R3HDM1: variants seen among roughly 807,000 people sequenced by gnomAD.
The protein encoded by R3HDM1 is R3H domain containing 1.
R3HDM1 carries 46 observed loss-of-function variants against 141.1 expected under a neutral mutation model. The observed-to-expected ratio is 0.33, with a 90% CI of 0.26 to 0.42. The LOEUF is 0.42. Ranked by LOEUF, R3HDM1 falls within the 10% of genes least tolerant of loss-of-function variation. R3HDM1 has a pLI of 1.00. For synonymous variants in R3HDM1, 435 were observed against 472.9 expected (o/e 0.92, Z 1.04); for missense variants, 1,184 against 1,368.3 (o/e 0.87, Z 2.12).
intron 5 of R3HDM1, among the ~76,000 whole-genome samples, chr2:135,618,120 A>G (rs1387231569): frequency 2.6e-5 from 4 of 152,218 alleles, no homozygotes; most frequent in African/African-American, 9.6e-5. Flanking sequence ...GTTTGCTTTG[A>G]CATTTCTTTG....
chr2:135,680,242 C>T lies in R3HDM1; in HGVS notation c.2377C>T (p.Gln793Ter). Residue 793 changes from glutamine (Q) to a stop codon, truncating the protein, a stop_gained, in exon 21 of 27, where the codon CAG becomes TAG. Coordinates refer to ENST00000683871, the MANE Select transcript of R3HDM1 (RefSeq NM_001378107.1). LOFTEE classifies it high-confidence loss of function. ...TYQQPVMFPN[Q>*]SNQGSMPTTG... Reference sequence around the variant, plus strand: ...TCAACAGCCTGTTATGTTCCCTAATCAGTCTAATCAAGGATCTATGCCCAC... The same window carrying T: ...TCAACAGCCTGTTATGTTCCCTAATTAGTCTAATCAAGGATCTATGCCCAC... 1.2e-6 allele frequency: 2 copies of T among 1,613,480 alleles called. No homozygotes were observed. The highest frequency in any genetic ancestry group is 1.7e-6 in the Non-Finnish European group (2 of 1,179,402).
At chr2:135,651,114 AT>A in intron 17 of R3HDM1, 1 of 985,388 alleles carries the variant, frequency 1.0e-6, no homozygotes, top group Non-Finnish European at 1.2e-6. Flanking sequence ...TTTGAATTAC[AT>A]TTGTCAAATT....
intron 1 of R3HDM1, among the ~76,000 whole-genome samples, chr2:135,578,514 A>G (rs1706027339): frequency 6.6e-6 from 1 of 152,224 alleles, no homozygotes. Context: ...GTCTCCAGAA[A>G]TAACATAAAA....
At chr2:135,613,805 G>A (rs906260115) in intron 3 of R3HDM1, among the ~76,000 whole-genome samples, 3 of 152,140 alleles carry the variant, frequency 2.0e-5, no homozygotes, top group Non-Finnish European at 4.4e-5. Flanking sequence ...GACAGAGTGA[G>A]ACTCAGTCTC....
At chr2:135,557,718 G>C (rs1454851467) in intron 1 of R3HDM1, among the ~76,000 whole-genome samples, 1 of 152,158 alleles carries the variant, frequency 6.6e-6, no homozygotes, top group Non-Finnish European at 1.5e-5. Context: ...CTGTGGCCAG[G>C]GACTGGAGTA....
chr2:135,709,371 C>T, intron 21 of R3HDM1, 62 bp from the exon 22 acceptor site: 1 of 1,601,736 alleles, frequency 6.2e-7, no homozygotes, highest in Non-Finnish European at 8.5e-7. Context: ...CGCGCCCAGC[C>T]CATTCAAGAA....
At chr2:135,571,329 T>C (rs866040184) in intron 1 of R3HDM1, among the ~76,000 whole-genome samples, 20 of 152,086 alleles carry the variant, frequency 1.3e-4, no homozygotes, top group Admixed American at 3.9e-4. Context: ...TAATTATTCA[T>C]TTATTTATTT....
At position 135,621,476 on chromosome 2, in the gene R3HDM1, G is replaced by T. The variant is rs758943380; in HGVS notation, c.304-18G>T. On this transcript the variant is annotated intron_variant, in intron 5 of 26. Transcript: ENST00000683871. The stretch of plus-strand genomic sequence containing the variant: ...TGTATTGTATTTTCATTGAATAATT[G>T]ACTTTGCCTTCCAACAGGAGAAAAT... The T allele has an allele frequency of 6.9e-7, 1 of 1,452,014 alleles. No homozygotes were observed. Among genetic ancestry groups the T allele is most frequent in the Admixed American group, 2.1e-5 (1 of 48,030 alleles). The allele number at this position is 1,452,014 out of a possible 1,614,324, so 89.9% of individuals were successfully genotyped here.
In R3HDM1 at chr2:135,724,233, C is replaced by G; in HGVS notation, c.3346C>G (p.Leu1116Val). The G allele has an allele frequency of 1.2e-6, 2 of 1,613,968 alleles. No individual in the cohort carries two copies. The highest frequency in any genetic ancestry group is 1.7e-6 in the Non-Finnish European group (2 of 1,179,994). ...KQINSVNKFK[L>V]RTSKKHYDFH... ...AATTAACTCAGTTAACAAGTTTAAGCTGAGAACAAGCAAGAAGCACTATGA... is the reference window on the plus strand; with the variant it reads ...AATTAACTCAGTTAACAAGTTTAAGGTGAGAACAAGCAAGAAGCACTATGA... Residue 1116 changes from leucine (L) to valine (V), a missense_variant, in exon 27 of 27, where the codon CTG (leucine) becomes GTG (valine). This residue lies in a region of R3HDM1 where 182 missense variants were observed against 252.6 expected (regional missense o/e 0.72). Transcript: ENST00000683871.
chr2:135,691,597 CA>C (rs60358239), intron 21 of R3HDM1, among the ~76,000 whole-genome samples: 6 of 142,120 alleles, frequency 4.2e-5, no homozygotes, highest in Admixed American at 7.0e-5. Context: ...CCCCTGTCTC[CA>C]AAAAAAAAAC....
intron 19 of R3HDM1, 114 bp downstream of exon 19, chr2:135,661,507 A>C (rs1475624898): frequency 1.5e-6 from 2 of 1,310,980 alleles, no homozygotes; most frequent in Admixed American, 4.2e-5. Context: ...GAATATGTTC[A>C]TACATATGAG....
rs537663012 is a variant in R3HDM1, at chr2:135,566,270, G to C, written c.-250+34637G>C. ...CAGATAGAAGGCTAGGGGTTTTGAG[G>C]GGGGAAGCAAGGGAGTTTTTTGCTT... On this transcript the variant is annotated intron_variant, in intron 1 of 26. Transcript: ENST00000683871. Among the ~76,000 whole-genome samples, 5 of 152,250 alleles carry C rather than the reference G, an allele frequency of 3.3e-5. No individual in the cohort carries two copies. In the South Asian group the frequency reaches 1.0e-3, roughly 32 times the overall value.
chr2:135,720,762 T>A (rs1264072186), intron 24 of R3HDM1, among the ~76,000 whole-genome samples: 1 of 152,228 alleles, frequency 6.6e-6, no homozygotes, highest in Non-Finnish European at 1.5e-5. Context: ...TGGTTAAAAC[T>A]ATTAAAGTGT....
chr2:135,590,112 T>G (rs1708904489), intron 1 of R3HDM1, among the ~76,000 whole-genome samples: 1 of 152,188 alleles, frequency 6.6e-6, no homozygotes, highest in Non-Finnish European at 1.5e-5. Flanking sequence ...TAAGAGTCAC[T>G]GCTTTATAGT....
At chr2:135,723,803 AAAG>A in intron 26 of R3HDM1, 131 bp from the exon 27 acceptor site, 53 of 536,868 alleles carry the variant, frequency 9.9e-5, no homozygotes, top group South Asian at 2.2e-4. Flanking sequence ...AAAAAAAAAA[AAAG>A]ATGGCCCTAA....
chr2:135,642,750 A>G (rs953745174), intron 15 of R3HDM1, among the ~76,000 whole-genome samples: 13 of 152,062 alleles, frequency 8.5e-5, no homozygotes, highest in African/African-American at 3.1e-4. Context: ...CTTTCCTTTC[A>G]TTTGTAGTAG....
intron 21 of R3HDM1, 143 bp from the exon 22 acceptor site, chr2:135,709,290 T>G (rs756974663): frequency 7.6e-5 from 82 of 1,078,924 alleles, no homozygotes; most frequent in African/African-American, 3.1e-4. Context: ...AGCCAGGATG[T>G]TCTCGATCTC....
chr2:135,618,529 A>G (rs1367052520), intron 5 of R3HDM1, among the ~76,000 whole-genome samples: 1 of 149,424 alleles, frequency 6.7e-6, no homozygotes, highest in Non-Finnish European at 1.5e-5. Flanking sequence ...ATTTGATATA[A>G]TAGATGCATT....
At chr2:135,708,702 G>C (rs1236244026) in intron 21 of R3HDM1, among the ~76,000 whole-genome samples, 1 of 152,154 alleles carries the variant, frequency 6.6e-6, no homozygotes, top group African/African-American at 2.4e-5. Context: ...GCTCACACCT[G>C]TAATTCCAGC....
Sources: gnomAD v4.1 joint callset for allele counts (sites outside exome capture counted in the v4.1 genomes callset) on GRCh38, gnomAD v4.1.1 for gene constraint, gnomAD v4.1.1 regional missense constraint, MANE v1.5 for transcripts, NCBI Gene and HGNC (gene_info 2026-07-23, HGNC 2026-07-21) for gene names.